DPH6: variants seen among roughly 807,000 people sequenced by gnomAD.
DPH6 encodes diphthamine biosynthesis 6.
A neutral mutation model predicts 38.2 loss-of-function variants in DPH6; 33 were observed. That is an observed-to-expected ratio of 0.86 (90% CI 0.65 to 1.15). DPH6 has a LOEUF of 1.15. Ranked by LOEUF, DPH6 falls within the 50% of genes most tolerant of loss-of-function variation. The pLI is 0.00. For missense variants in DPH6, 325 were observed against 320.0 expected (o/e 1.02, Z -0.12); for synonymous variants, 108 against 103.0 (o/e 1.05, Z -0.30).
At chr15:35,454,605 T>G (rs556105332) in intron 4 of DPH6, 142 bp downstream of exon 4, 1 of 601,046 alleles carries the variant, frequency 1.7e-6, no homozygotes, top group East Asian at 3.4e-5. Flanking sequence ...CTTTTGTTAC[T>G]TAGGTAAATA....
chr15:35,326,750 T>C (rs76334919), downstream of DPH6, among the ~76,000 whole-genome samples: 1,304 of 152,270 alleles, frequency 8.6e-3, 20 homozygotes, highest in African/African-American at 0.03. Context: ...AGTAGTCTTA[T>C]AAGTGACAAA....
chr15:35,261,951 G>A lies in DPH6; in HGVS notation n.201-41369C>T, dbSNP rs141172663. Among the ~76,000 whole-genome samples, 91 of 152,300 alleles carry A rather than the reference G, an allele frequency of 6.0e-4. No individual in the cohort carries two copies. In the East Asian group the frequency reaches 0.013, roughly 22 times the overall value. ...CCTGAAGCTACAGTAGTAAAGAGAAGTAACTACTACATATATAGCATCTAT... is the reference window on the plus strand; with the variant it reads ...CCTGAAGCTACAGTAGTAAAGAGAAATAACTACTACATATATAGCATCTAT... On this transcript the variant is annotated intron_variant and non_coding_transcript_variant, in intron 3 of 3. Transcript: ENST00000560386.
At chr15:35,437,925 C>A (rs1055051097) in intron 5 of DPH6, among the ~76,000 whole-genome samples, 1 of 152,162 alleles carries the variant, frequency 6.6e-6, no homozygotes, top group Non-Finnish European at 1.5e-5. Flanking sequence ...ATGACCTTTA[C>A]CATTTGTTGA....
chr15:35,501,168 A>G (rs1300575057), intron 3 of DPH6, among the ~76,000 whole-genome samples: 1 of 152,162 alleles, frequency 6.6e-6, no homozygotes, highest in East Asian at 1.9e-4. Flanking sequence ...TCTTTTCACA[A>G]TATATTTCCC....
intron 3 of DPH6, among the ~76,000 whole-genome samples, chr15:35,460,023 A>G (rs1186940116): frequency 6.6e-6 from 1 of 152,238 alleles, no homozygotes; most frequent in African/African-American, 2.4e-5. Context: ...ATTAAGGACC[A>G]TCTACCAACC....
the DPH6 span, among the ~76,000 whole-genome samples, chr15:35,195,604 G>A: frequency 2.0e-5 from 3 of 152,118 alleles, no homozygotes. Context: ...GGGGTTGTGA[G>A]CAGGTCTGAT....
chr15:35,513,347 T>C (rs2054801135), intron 3 of DPH6, among the ~76,000 whole-genome samples: 1 of 151,974 alleles, frequency 6.6e-6, no homozygotes, highest in Non-Finnish European at 1.5e-5. Flanking sequence ...GAGTACGCTG[T>C]AAGGTTACAA....
At chr15:35,355,358 T>C (rs551417671) in intron 3 of DPH6, among the ~76,000 whole-genome samples, 11 of 152,234 alleles carry the variant, frequency 7.2e-5, no homozygotes, top group Non-Finnish European at 1.5e-4. Context: ...TGCTCGTTAT[T>C]TGATGCAGTT....
At chr15:35,187,789 C>T in the DPH6 span, among the ~76,000 whole-genome samples, 1 of 152,082 alleles carries the variant, frequency 6.6e-6, no homozygotes, top group Non-Finnish European at 1.5e-5. Context: ...AGTTCAAGAC[C>T]AGCCTTGCCA....
At chr15:35,170,505 T>C in the DPH6 span, among the ~76,000 whole-genome samples, 1 of 152,142 alleles carries the variant, frequency 6.6e-6, no homozygotes, top group Non-Finnish European at 1.5e-5. Context: ...AGATTTACAT[T>C]GGGGTTGGTT....
chr15:35,402,682 A>G (rs1297439652), intron 6 of DPH6, among the ~76,000 whole-genome samples: 1 of 152,116 alleles, frequency 6.6e-6, no homozygotes, highest in African/African-American at 2.4e-5. Flanking sequence ...AAAATTCTAC[A>G]GAAGTTTAAG....
At chr15:35,333,961 C>T (rs2052347653) in intron 3 of DPH6, among the ~76,000 whole-genome samples, 1 of 152,154 alleles carries the variant, frequency 6.6e-6, no homozygotes, top group African/African-American at 2.4e-5. Context: ...AGAACAAGAT[C>T]TTGTCCTTTG....
At chr15:35,424,873 A>C (rs1206468257) in intron 5 of DPH6, among the ~76,000 whole-genome samples, 1 of 151,664 alleles carries the variant, frequency 6.6e-6, no homozygotes, top group Non-Finnish European at 1.5e-5. Context: ...AATTAATAGA[A>C]AAAGCTGTCC....
chr15:35,264,512 C>T (rs1272387866), intron 3 of DPH6, among the ~76,000 whole-genome samples: 3 of 142,928 alleles, frequency 2.1e-5, no homozygotes, highest in South Asian at 2.3e-4. Context: ...TACTGGTCTA[C>T]AAGCACTCTT....
At chr15:35,525,790 C>T (rs547463860) in intron 3 of DPH6, among the ~76,000 whole-genome samples, 8 of 151,998 alleles carry the variant, frequency 5.3e-5, no homozygotes, top group African/African-American at 1.7e-4. Flanking sequence ...CAGTGAGCCA[C>T]GATAGCTCCA....
chr15:35,469,509 TAA>T (rs1338500507), intron 3 of DPH6, among the ~76,000 whole-genome samples: 1 of 152,142 alleles, frequency 6.6e-6, no homozygotes, highest in Non-Finnish European at 1.5e-5. Flanking sequence ...GGCAGATTCA[TAA>T]GTTTATAAGG....
chr15:35,269,296 C>T (rs73391486), intron 3 of DPH6, among the ~76,000 whole-genome samples: 4,034 of 151,998 alleles, frequency 0.027, 168 homozygotes, highest in African/African-American at 0.092. Flanking sequence ...TTATTGCTTG[C>T]TCTTAGGACA....
chr15:35,323,795 A>G (rs1247501664), intron 3 of DPH6, among the ~76,000 whole-genome samples: 1 of 152,210 alleles, frequency 6.6e-6, no homozygotes, highest in Non-Finnish European at 1.5e-5. Flanking sequence ...TTTGCTAAGC[A>G]TCAGTACTGA....
At chr15:35,320,637 A>T (rs2052232750) in intron 3 of DPH6, among the ~76,000 whole-genome samples, 1 of 152,038 alleles carries the variant, frequency 6.6e-6, no homozygotes, top group Non-Finnish European at 1.5e-5. Context: ...TCTTTGGCTT[A>T]TTTTCATGGT....
Sources: allele counts gnomAD v4.1 joint callset (sites outside exome capture counted in the v4.1 genomes callset), GRCh38; gene constraint gnomAD v4.1.1; transcripts MANE v1.5; gene names NCBI Gene and HGNC (gene_info 2026-07-23, HGNC 2026-07-21).